Variants in FYN observed in about 807,000 individuals in gnomAD.
FYN encodes the protein tyrosine-protein kinase Fyn.
In FYN, 10 loss-of-function variants were observed where a neutral mutation model predicts 70.2. The ratio of observed to expected loss-of-function variants is 0.14; its 90% CI spans 0.09 to 0.24. The LOEUF is 0.24. Among genes scored for constraint, FYN ranks in the 10% least tolerant of loss-of-function variants. The pLI is 1.00. For missense variants in FYN, 319 were observed against 673.1 expected (o/e 0.47, Z 5.82); for synonymous variants, 236 against 248.6 (o/e 0.95, Z 0.48).
intron 9 of FYN, 99 bp downstream of exon 9, chr6:111,700,005 C>A: frequency 2.2e-6 from 2 of 916,710 alleles, no homozygotes; most frequent in East Asian, 3.8e-5. Flanking sequence ...TTCAAACTTT[C>A]TTCCCGGTCA....
chr6:111,830,500 T>C (rs981489409), intron 2 of FYN, among the ~76,000 whole-genome samples: 5 of 115,796 alleles, frequency 4.3e-5, no homozygotes, highest in Admixed American at 1.0e-4. Context: ...GAAAGTGTGG[T>C]AGCACAGTGC....
At chr6:111,668,841 A>G (rs1056014487) in intron 13 of FYN, among the ~76,000 whole-genome samples, 1 of 152,074 alleles carries the variant, frequency 6.6e-6, no homozygotes, top group Non-Finnish European at 1.5e-5. Flanking sequence ...CTAAGATGAG[A>G]GCTTTCATTC....
intron 12 of FYN, among the ~76,000 whole-genome samples, chr6:111,678,856 C>T (rs533480108): frequency 6.6e-6 from 1 of 152,328 alleles, no homozygotes; most frequent in South Asian, 2.1e-4. Flanking sequence ...TACATCTTTA[C>T]TGAATGATCT....
chr6:111,710,619 A>C (rs1395038394), intron 5 of FYN, among the ~76,000 whole-genome samples: 1 of 152,210 alleles, frequency 6.6e-6, no homozygotes, highest in African/African-American at 2.4e-5. Context: ...AAAGTGACAA[A>C]GATTCAATGT....
intron 2 of FYN, among the ~76,000 whole-genome samples, chr6:111,836,172 G>A (rs1394314963): frequency 6.6e-6 from 1 of 152,186 alleles, no homozygotes; most frequent in Non-Finnish European, 1.5e-5. Context: ...TGAGGAAAGA[G>A]AAAACACAGT....
At position 111,661,737 on chromosome 6, in the gene FYN, C is replaced by T. The variant is rs1388819650; in HGVS notation, c.*2G>A. 1.2e-6 allele frequency: 2 copies of T among 1,613,174 alleles called. No homozygotes were observed. The highest frequency in any genetic ancestry group is 2.7e-5 in the African/African-American group (2 of 74,916). ...CAAGGCCTCTCTCCGCAGACCCGGG[C>T]CTTACAGGTTTTCACCAGGTTGGTA... On this transcript the variant is annotated 3_prime_UTR_variant, in exon 14 of 14. Coordinates refer to ENST00000354650, the MANE Select transcript of FYN (RefSeq NM_002037.5). This position sits in a 1 kb window ranked among gnomAD's most constrained non-coding sequence, Gnocchi z 4.0.
At chr6:111,748,639 T>A (rs956487145) in intron 3 of FYN, among the ~76,000 whole-genome samples, 1 of 152,290 alleles carries the variant, frequency 6.6e-6, no homozygotes, top group East Asian at 1.9e-4. Flanking sequence ...TAACCACATG[T>A]GGCTGGTTCA....
At chr6:111,673,619 A>ATCGTTT (rs1554272175) in intron 13 of FYN, among the ~76,000 whole-genome samples, 6 of 65,008 alleles carry the variant, frequency 9.2e-5, no homozygotes, top group Admixed American at 2.1e-4. Context: ...CGTTTCTATC[A>ATCGTTT]TTGTTTTTTT....
At chr6:111,790,846 A>G (rs1020166771) in intron 2 of FYN, among the ~76,000 whole-genome samples, 4 of 152,230 alleles carry the variant, frequency 2.6e-5, no homozygotes, top group African/African-American at 9.6e-5. Context: ...CCTAGGAATA[A>G]GTCCAACAAA....
chr6:111,723,327 G>T (rs1801041498), intron 3 of FYN, among the ~76,000 whole-genome samples: 1 of 151,998 alleles, frequency 6.6e-6, no homozygotes, highest in African/African-American at 2.4e-5. Context: ...GGCCAGAACA[G>T]TGCCTGGCAC....
chr6:111,831,892 C>A (rs1159767022), intron 2 of FYN, among the ~76,000 whole-genome samples: 1 of 152,126 alleles, frequency 6.6e-6, no homozygotes, highest in Non-Finnish European at 1.5e-5. Context: ...TGCCTCATCA[C>A]ACCCTAGAGA....
rs548933263 is a variant in FYN at position 111,673,346 on chromosome 6, C to T, written c.1405+1153G>A. ...ACCCGCATCTCTAAACGCCCAGTGC[C>T]GGCACTTCAGAGACTGGGAATTTGT... On this transcript the variant is annotated intron_variant, in intron 13 of 13. Coordinates refer to ENST00000354650, the MANE Select transcript of FYN (RefSeq NM_002037.5). Among the ~76,000 whole-genome samples the T allele has an allele frequency of 2.6e-5, 4 of 152,216 alleles. No individual in the cohort carries two copies. The South Asian group carries it at 6.2e-4, about 24-fold the overall frequency.
intron 6 of FYN, among the ~76,000 whole-genome samples, chr6:111,704,853 G>A (rs1268760623): frequency 6.6e-6 from 1 of 151,898 alleles, no homozygotes; most frequent in African/African-American, 2.4e-5. Context: ...ATGAAGTCAG[G>A]AGATGGAGAC....
intron 1 of FYN, among the ~76,000 whole-genome samples, chr6:111,854,973 T>C (rs1485010605): frequency 6.6e-6 from 1 of 152,228 alleles, no homozygotes; most frequent in Non-Finnish European, 1.5e-5. Context: ...AACATAGCAC[T>C]CTAGGAGACA....
intron 2 of FYN, among the ~76,000 whole-genome samples, chr6:111,830,212 G>T (rs760627832): frequency 1.3e-5 from 2 of 152,148 alleles, no homozygotes; most frequent in African/African-American, 4.8e-5. Flanking sequence ...GATGCCCAAC[G>T]ATGGCTTGTT....
intron 2 of FYN, among the ~76,000 whole-genome samples, chr6:111,834,412 C>A (rs553483040): frequency 1.3e-5 from 2 of 152,134 alleles, no homozygotes; most frequent in Non-Finnish European, 2.9e-5. Flanking sequence ...TTCCTCAGTG[C>A]CTCCTTCCCA....
chr6:111,785,854 T>G (rs547738525), intron 2 of FYN, among the ~76,000 whole-genome samples: 3 of 133,234 alleles, frequency 2.3e-5, no homozygotes, highest in East Asian at 4.9e-4. Context: ...GTGTGTGATG[T>G]TCCCCTTCCT....
chr6:111,813,794 A>G (rs1772400230), intron 2 of FYN: 1 of 152,212 alleles, frequency 6.6e-6, no homozygotes, highest in Non-Finnish European at 1.5e-5. Flanking sequence ...GATGTTCACT[A>G]TGTGGTAAGA....
intron 1 of FYN, among the ~76,000 whole-genome samples, chr6:111,865,314 G>A (rs553906475): frequency 1.5e-4 from 23 of 152,202 alleles, no homozygotes; most frequent in South Asian, 8.3e-4. Flanking sequence ...ACTTCCAGAC[G>A]GAGGTGCACA....
Sources: gnomAD v4.1 joint callset for allele counts (sites outside exome capture counted in the v4.1 genomes callset) on GRCh38, gnomAD v4.1.1 for gene constraint, Gnocchi (gnomAD v3.1) non-coding constraint, MANE v1.5 for transcripts, NCBI Gene and HGNC (gene_info 2026-07-23, HGNC 2026-07-21) for gene names.